Variants in LINGO1 observed in about 807,000 individuals in gnomAD.
The protein encoded by LINGO1 is leucine rich repeat and Ig domain containing 1.
A neutral mutation model predicts 37.3 loss-of-function variants in LINGO1; 11 were observed. That is an observed-to-expected ratio of 0.29 (90% CI 0.19 to 0.49). The LOEUF is 0.49. Among genes scored for constraint, LINGO1 ranks in the 20% least tolerant of loss-of-function variants. The pLI is 0.99. For missense variants in LINGO1, 585 were observed against 878.2 expected, an observed-to-expected ratio of 0.67 and a Z score of 4.22; for synonymous variants, 387 against 403.0, an observed-to-expected ratio of 0.96 and a Z score of 0.48.
At chr15:77,683,836 T>TAA (rs60118146) in intron 2 of LINGO1, among the ~76,000 whole-genome samples, 3 of 147,902 alleles carry the variant, frequency 2.0e-5, no homozygotes, top group African/African-American at 7.4e-5. Context: ...GCTTTTATGG[T>TAA]AAAAAAAAAA....
At chr15:77,767,227 C>A (rs1215414535) in intron 1 of LINGO1, among the ~76,000 whole-genome samples, 3 of 152,134 alleles carry the variant, frequency 2.0e-5, no homozygotes, top group Admixed American at 2.0e-4. Flanking sequence ...CAGTAGCTTG[C>A]AAAGAATCAA....
chr15:77,815,302 C>T (rs2077038590), intron 1 of LINGO1, among the ~76,000 whole-genome samples: 2 of 152,014 alleles, frequency 1.3e-5, no homozygotes, highest in South Asian at 4.2e-4. Flanking sequence ...CCCACCCACC[C>T]CTGCCCAGCA....
At chr15:77,690,466 C>G (rs1446467490) in intron 2 of LINGO1, among the ~76,000 whole-genome samples, 1 of 152,216 alleles carries the variant, frequency 6.6e-6, no homozygotes, top group East Asian at 1.9e-4. Flanking sequence ...AAACCAGGTT[C>G]TGGTTGCACC....
upstream of LINGO1, among the ~76,000 whole-genome samples, chr15:77,633,482 G>A (rs1223228252): frequency 2.6e-5 from 4 of 152,198 alleles, no homozygotes; most frequent in African/African-American, 7.2e-5. Flanking sequence ...AGGCTAGAGG[G>A]CCCACATTCT....
intron 2 of LINGO1, among the ~76,000 whole-genome samples, chr15:77,682,226 G>T (rs1163785006): frequency 6.6e-6 from 1 of 151,252 alleles, no homozygotes; most frequent in Non-Finnish European, 1.5e-5. Flanking sequence ...TAACCTTTCT[G>T]GGACTGGTTC....
Position 77,709,824 on chromosome 15 carries a change from G to A in LINGO1, c.-194-18923C>T, listed in dbSNP as rs527754095. Reference sequence around the variant, plus strand: ...GAGCACCTACGGTGTACAAGGCCCTGGTACAGTGAAGGGCAGGGGTAAACA... The same window carrying A: ...GAGCACCTACGGTGTACAAGGCCCTAGTACAGTGAAGGGCAGGGGTAAACA... On this transcript the variant is annotated intron_variant, in intron 2 of 3. Coordinates refer to the LINGO1 transcript ENST00000561686. Among the ~76,000 whole-genome samples, 3 of 152,310 alleles carry A rather than the reference G, an allele frequency of 2.0e-5. No homozygotes were observed. In the East Asian group the frequency reaches 5.8e-4, roughly 29 times the overall value.
At chr15:77,647,464 G>A (rs923287087) in intron 3 of LINGO1, among the ~76,000 whole-genome samples, 3 of 152,082 alleles carry the variant, frequency 2.0e-5, no homozygotes, top group African/African-American at 4.8e-5. Flanking sequence ...TGCAGGAGTC[G>A]TAGGATCCTG....
intron 1 of LINGO1, among the ~76,000 whole-genome samples, chr15:77,750,849 T>A (rs2076364058): frequency 6.6e-6 from 1 of 152,226 alleles, no homozygotes; most frequent in South Asian, 2.1e-4. Flanking sequence ...GTGTCAGGGC[T>A]TGGTAAGTGC....
chr15:77,800,897 G>A (rs2076912747), intron 1 of LINGO1, among the ~76,000 whole-genome samples: 1 of 152,152 alleles, frequency 6.6e-6, no homozygotes, highest in Non-Finnish European at 1.5e-5. Flanking sequence ...GAATTAAATT[G>A]GCCAATAAAT....
intron 2 of LINGO1, among the ~76,000 whole-genome samples, chr15:77,727,533 GGT>G (rs2076114386): frequency 6.6e-6 from 1 of 152,166 alleles, no homozygotes; most frequent in African/African-American, 2.4e-5. Context: ...AGGTACCTAA[GGT>G]GCTCAAACTC....
At chr15:77,791,491 A>C (rs1238828776), upstream of LINGO1, among the ~76,000 whole-genome samples, 1 of 151,976 alleles carries the variant, frequency 6.6e-6, no homozygotes, top group Non-Finnish European at 1.5e-5. Context: ...GGGATGGAGG[A>C]GGAGAGTCAC....
At chr15:77,774,792 T>C (rs2141410154) in intron 1 of LINGO1, among the ~76,000 whole-genome samples, 1 of 149,660 alleles carries the variant, frequency 6.7e-6, no homozygotes, top group South Asian at 2.1e-4. Flanking sequence ...GGTCATGAGG[T>C]CATCAGTGGG....
rs1004775187 is a variant in LINGO1 at position 77,703,919 on chromosome 15, A to G, written c.-194-13018T>C. 7.9e-5 allele frequency among the ~76,000 whole-genome samples: 12 copies of G among 152,146 alleles called. No individual in the cohort carries two copies. In the South Asian group the frequency reaches 2.5e-3, roughly 32 times the overall value. ...AAAGAGGAAGAAGATTCTATGGGGG[A>G]CCCATAGGAAGAGAGCTCTGCCAAA... is the stretch of plus-strand genomic sequence containing the variant. On this transcript the variant is annotated intron_variant, in intron 2 of 3. Transcript: ENST00000561686.
Position 77,800,658 on chromosome 15 carries a change from A to G in LINGO1, c.-457-4605T>C, listed in dbSNP as rs376027261. Among the ~76,000 whole-genome samples the G allele has an allele frequency of 1.4e-4, 22 of 152,376 alleles. No homozygotes were observed. The East Asian group carries it at 4.0e-3, about 28-fold the overall frequency. The stretch of plus-strand genomic sequence containing the variant: ...ATCTGATGCAGTGGAGGAAGCGTTT[A>G]TATGCCAGACATTAAATCCAGAAGC... On this transcript the variant is annotated intron_variant, in intron 1 of 5. Transcript: ENST00000562933.
chr15:77,737,454 G>A (rs1406302557), intron 1 of LINGO1, among the ~76,000 whole-genome samples: 1 of 152,002 alleles, frequency 6.6e-6, no homozygotes, highest in East Asian at 1.9e-4. Context: ...AGGGAGGAAG[G>A]GGAGGAAGGA....
At chr15:77,696,920 AG>A (rs1378088385), upstream of LINGO1, among the ~76,000 whole-genome samples, 2 of 152,280 alleles carry the variant, frequency 1.3e-5, no homozygotes. Flanking sequence ...ACTCATGGGA[AG>A]GTGGTCAGCA....
At chr15:77,776,520 G>GGCAGGAAGGCAGGAAGGCAGGAAA (rs1555541373) in intron 1 of LINGO1, among the ~76,000 whole-genome samples, 1 of 81,048 alleles carries the variant, frequency 1.2e-5, no homozygotes, top group Admixed American at 1.2e-4. Context: ...AAGGCAGGAA[G>GGCAGGAAGGCAGGAAGGCAGGAAA]GGAGGAAGGG....
chr15:77,697,651 G>A (rs2075713916), upstream of LINGO1, among the ~76,000 whole-genome samples: 1 of 152,222 alleles, frequency 6.6e-6, no homozygotes, highest in Non-Finnish European at 1.5e-5. Flanking sequence ...AACACCCTGA[G>A]CAGGGTGTGG....
At chr15:77,763,849 G>A (rs1471474269) in intron 1 of LINGO1, among the ~76,000 whole-genome samples, 2 of 152,084 alleles carry the variant, frequency 1.3e-5, no homozygotes, top group Non-Finnish European at 2.9e-5. Context: ...ACACCCCATT[G>A]CCAGCAAAAA....
Sources: gnomAD v4.1 joint callset for allele counts (sites outside exome capture counted in the v4.1 genomes callset) on GRCh38, gnomAD v4.1.1 for gene constraint, MANE v1.5 for transcripts, NCBI Gene and HGNC (gene_info 2026-07-23, HGNC 2026-07-21) for gene names.